Variants in DLGAP2 observed in about 807,000 individuals in gnomAD.
DLGAP2 encodes the protein disks large-associated protein 2.
Under a neutral mutation model 100.3 loss-of-function variants are expected in DLGAP2, and 26 were observed. That is an observed-to-expected ratio of 0.26 (90% CI 0.19 to 0.36). The LOEUF is 0.36. Among genes scored for constraint, DLGAP2 ranks in the 10% least tolerant of loss-of-function variants. DLGAP2 has a pLI of 1.00. For synonymous variants in DLGAP2, 886 were observed against 630.1 expected, an observed-to-expected ratio of 1.41 and a Z score of -6.08; for missense variants, 1,858 against 1,453.2, an observed-to-expected ratio of 1.28 and a Z score of -4.53.
chr8:1,052,700 T>G (rs1802756299), intron 2 of DLGAP2, among the ~76,000 whole-genome samples: 1 of 152,134 alleles, frequency 6.6e-6, no homozygotes, highest in African/African-American at 2.4e-5. Flanking sequence ...GTTGGCCTGG[T>G]CATCAGAATA....
At chr8:808,703 G>A (rs1400758431) in intron 1 of DLGAP2, among the ~76,000 whole-genome samples, 1 of 152,194 alleles carries the variant, frequency 6.6e-6, no homozygotes, top group Non-Finnish European at 1.5e-5. Flanking sequence ...TGGCACAGGA[G>A]TGTGGGCCAT....
At chr8:1,148,230 T>A (rs1469894168) in intron 2 of DLGAP2, among the ~76,000 whole-genome samples, 1 of 152,170 alleles carries the variant, frequency 6.6e-6, no homozygotes, top group East Asian at 1.9e-4. Flanking sequence ...TCAGTTGGAT[T>A]TACAAATTAG....
At chr8:1,673,895 T>G (rs1403621181) in intron 10 of DLGAP2, among the ~76,000 whole-genome samples, 1 of 152,200 alleles carries the variant, frequency 6.6e-6, no homozygotes, top group Admixed American at 6.5e-5. Flanking sequence ...TTCCTTTTAC[T>G]TTTGTTATAT....
intron 3 of DLGAP2, among the ~76,000 whole-genome samples, chr8:1,267,603 T>TAAAATAAAATAAAATAAA (rs1250229921): frequency 7.3e-5 from 5 of 68,448 alleles, no homozygotes; most frequent in African/African-American, 3.7e-4. Context: ...TAAGATAAGA[T>TAAAATAAAATAAAATAAA]AAGATAAGAT....
At chr8:1,374,978 C>G (rs1439531577) in intron 3 of DLGAP2, among the ~76,000 whole-genome samples, 1 of 151,594 alleles carries the variant, frequency 6.6e-6, no homozygotes, top group East Asian at 1.9e-4. Flanking sequence ...AAGCCCAATA[C>G]CACAGCCGGG....
intron 1 of DLGAP2, among the ~76,000 whole-genome samples, chr8:826,033 G>C (rs1197547591): frequency 6.6e-6 from 1 of 152,166 alleles, no homozygotes; most frequent in Non-Finnish European, 1.5e-5. Flanking sequence ...CATGAGTTCA[G>C]GGTTGTAATT....
intron 8 of DLGAP2, among the ~76,000 whole-genome samples, chr8:1,634,667 G>T (rs912302860): frequency 5.9e-5 from 9 of 152,150 alleles, no homozygotes; most frequent in South Asian, 4.1e-4. Context: ...AGCAGTATTT[G>T]TTTACTGTCT....
chr8:1,639,694 G>A (rs1338270713), intron 8 of DLGAP2, among the ~76,000 whole-genome samples: 1 of 152,246 alleles, frequency 6.6e-6, no homozygotes, highest in African/African-American at 2.4e-5. Flanking sequence ...GTCTAAAGTA[G>A]GTTCTGTGGG....
intron 3 of DLGAP2, among the ~76,000 whole-genome samples, chr8:1,357,082 GAC>G (rs140720424): frequency 0.1 from 15,364 of 152,066 alleles, 1,076 homozygotes; most frequent in African/African-American, 0.19. Flanking sequence ...TTGATCCAAT[GAC>G]ATTAAAGCAG....
At chr8:928,762 G>A (rs969271134) in intron 2 of DLGAP2, among the ~76,000 whole-genome samples, 2 of 152,054 alleles carry the variant, frequency 1.3e-5, no homozygotes, top group Non-Finnish European at 2.9e-5. Flanking sequence ...GGAAGAACCA[G>A]AAGATTCACA....
chr8:1,646,537 A>C (rs1008714189), intron 8 of DLGAP2, among the ~76,000 whole-genome samples: 1 of 152,322 alleles, frequency 6.6e-6, no homozygotes. Context: ...CAGGTTCTGT[A>C]TTTAAAATGA....
chr8:1,178,112 C>T (rs555794575), intron 2 of DLGAP2, among the ~76,000 whole-genome samples: 1 of 152,326 alleles, frequency 6.6e-6, no homozygotes, highest in South Asian at 2.1e-4. Context: ...GTCATTACCC[C>T]AGAATCCAAG....
intron 3 of DLGAP2, among the ~76,000 whole-genome samples, chr8:1,277,133 T>A (rs1585216097): frequency 1.3e-5 from 2 of 152,204 alleles, no homozygotes; most frequent in South Asian, 2.1e-4. Flanking sequence ...TCATGATTAT[T>A]TCCTTAGGGC....
chr8:1,265,045 A>C (rs1268994489), intron 3 of DLGAP2, among the ~76,000 whole-genome samples: 1 of 152,164 alleles, frequency 6.6e-6, no homozygotes, highest in Non-Finnish European at 1.5e-5. Context: ...GAGTCCATTA[A>C]ACCTCTTTTT....
chr8:1,571,056 G>A lies in DLGAP2; in HGVS notation c.1442+5162G>A, dbSNP rs559147812. On this transcript the variant is annotated intron_variant, in intron 6 of 14. Coordinates refer to ENST00000637795, the MANE Select transcript of DLGAP2 (RefSeq NM_001346810.2). ...GGGATGGAGAGGAGAGAGGTGAACT[G>A]TGGGGGCATCTGATGAGATGGGGAG... is the stretch of plus-strand genomic sequence containing the variant. Among the ~76,000 whole-genome samples, 36 of 142,946 alleles carry A rather than the reference G, an allele frequency of 2.5e-4. No individual in the cohort carries two copies. The South Asian group carries it at 8.4e-3, about 34-fold the overall frequency. 93.8% of individuals were successfully genotyped at this position (142,946 alleles called of 152,430 possible). A position where few individuals can be genotyped will look rare whatever the true frequency, so the allele number is the denominator to read the frequency against.
At chr8:1,076,963 G>A in intron 2 of DLGAP2, among the ~76,000 whole-genome samples, 1 of 146,620 alleles carries the variant, frequency 6.8e-6, no homozygotes, top group Admixed American at 6.8e-5. Flanking sequence ...AGACCAAGAG[G>A]GGGAGGAGGA....
At chr8:1,074,128 T>A (rs2701947) in intron 2 of DLGAP2, among the ~76,000 whole-genome samples, 29,890 of 120,416 alleles carry the variant, frequency 0.25, 1,630 homozygotes, top group Middle Eastern at 0.3. Context: ...ACAGAAGGGT[T>A]TGCAGCAGAC....
chr8:1,010,234 A>G (rs1004209799), intron 2 of DLGAP2, among the ~76,000 whole-genome samples: 1 of 152,214 alleles, frequency 6.6e-6, no homozygotes, highest in Non-Finnish European at 1.5e-5. Context: ...ATACACACAT[A>G]CACACATGTG....
chr8:877,897 C>G (rs1161856087), intron 1 of DLGAP2, among the ~76,000 whole-genome samples: 1 of 152,198 alleles, frequency 6.6e-6, no homozygotes, highest in Non-Finnish European at 1.5e-5. Context: ...TGAAGACATC[C>G]CAAGTGGAGT....
Sources: gnomAD v4.1 joint callset for allele counts (sites outside exome capture counted in the v4.1 genomes callset) on GRCh38, gnomAD v4.1.1 for gene constraint, MANE v1.5 for transcripts, NCBI Gene and HGNC (gene_info 2026-07-23, HGNC 2026-07-21) for gene names.